CSMD1: variants seen among roughly 807,000 people sequenced by gnomAD.
The protein encoded by CSMD1 is CUB and Sushi multiple domains 1, also known as CUB and sushi domain-containing protein 1.
In CSMD1, 213 loss-of-function variants were observed where a neutral mutation model predicts 417.5. The observed-to-expected ratio is 0.51, with a 90% CI of 0.46 to 0.57. The LOEUF (loss-of-function observed/expected upper bound fraction) is 0.57, where lower values mean the gene tolerates loss of function less well. Among genes scored for constraint, CSMD1 ranks in the 20% least tolerant of loss-of-function variants. CSMD1 has a pLI of 0.00. For missense variants in CSMD1, 6,923 were observed against 4,529.7 expected, an observed-to-expected ratio of 1.53 and a Z score of -15.17; for synonymous variants, 2,862 against 1,736.8, an observed-to-expected ratio of 1.65 and a Z score of -16.11.
At chr8:3,155,385 T>TTTTTTTTTTTTTTTTTTTTTA (rs1491170504) in intron 39 of CSMD1, among the ~76,000 whole-genome samples, 2 of 108,916 alleles carry the variant, frequency 1.8e-5, no homozygotes, top group East Asian at 2.6e-4. Context: ...TTTTTTTTTT[T>TTTTTTTTTTTTTTTTTTTTTA]GAGACAGAAT....
intron 59 of CSMD1, 42 bp from the exon 60 acceptor site, chr8:2,963,437 C>A: frequency 3.8e-6 from 6 of 1,595,284 alleles, no homozygotes; most frequent in Non-Finnish European, 4.3e-6. Flanking sequence ...CCGGAGCTCC[C>A]GCTGCAGCGG....
In CSMD1 at chr8:3,157,907, G is replaced by C. The variant is rs375906443; in HGVS notation, c.5904C>G (p.Pro1968=). The stretch of plus-strand genomic sequence containing the variant: ...AAGGTGCATCCTTACCAATGCACAG[G>C]GGAGACGGATAGTTCCAACGGCGAA... ...GTVRRWNYPS[P]LCIATCGGTL... The change falls in exon 39 of 70, where the codon CCC becomes CCG. Residue 1968 remains proline (P), a synonymous_variant. Transcript: ENST00000635120. 1.3e-4 allele frequency: 196 copies of C among 1,553,910 alleles called. No individual in the cohort carries two copies. Among genetic ancestry groups the C allele is most frequent in the Non-Finnish European group, 1.6e-4 (187 of 1,148,216 alleles).
At chr8:4,279,054 C>T (rs1456234900) in intron 3 of CSMD1, among the ~76,000 whole-genome samples, 1 of 152,136 alleles carries the variant, frequency 6.6e-6, no homozygotes, top group African/African-American at 2.4e-5. Flanking sequence ...ATAAACATCA[C>T]TCTACTGTTT....
At chr8:3,712,828 G>A (rs989226544) in intron 6 of CSMD1, among the ~76,000 whole-genome samples, 17 of 152,152 alleles carry the variant, frequency 1.1e-4, no homozygotes, top group African/African-American at 2.4e-4. Flanking sequence ...CAAATACATT[G>A]TGGTCTACAG....
At chr8:4,313,909 G>T (rs1798771684) in intron 3 of CSMD1, among the ~76,000 whole-genome samples, 1 of 151,980 alleles carries the variant, frequency 6.6e-6, no homozygotes, top group African/African-American at 2.4e-5. Context: ...AGCTACTTGG[G>T]AGGCTGAGTC....
intron 1 of CSMD1, among the ~76,000 whole-genome samples, chr8:4,792,991 TATA>T (rs1271373752): frequency 6.6e-6 from 1 of 151,162 alleles, no homozygotes; most frequent in African/African-American, 2.4e-5. Flanking sequence ...GCAATATATA[TATA>T]TATATATATA....
At chr8:3,611,613 T>C (rs1269189715) in intron 8 of CSMD1, among the ~76,000 whole-genome samples, 2 of 152,210 alleles carry the variant, frequency 1.3e-5, no homozygotes, top group Non-Finnish European at 2.9e-5. Flanking sequence ...TGTAATTTTC[T>C]AACGAAAATT....
chr8:3,937,131 A>G (rs2129719320), intron 5 of CSMD1, among the ~76,000 whole-genome samples: 1 of 152,310 alleles, frequency 6.6e-6, no homozygotes. Context: ...GCTGCTTCTT[A>G]TGGATGAGCA....
chr8:4,546,897 G>C (rs1003687121), intron 2 of CSMD1, among the ~76,000 whole-genome samples: 5 of 151,916 alleles, frequency 3.3e-5, no homozygotes, highest in African/African-American at 1.2e-4. Flanking sequence ...TCTCTCTGGA[G>C]ATCCCTAACA....
At chr8:3,986,964 A>G (rs1747418661) in intron 5 of CSMD1, among the ~76,000 whole-genome samples, 1 of 152,126 alleles carries the variant, frequency 6.6e-6, no homozygotes, top group Non-Finnish European at 1.5e-5. Flanking sequence ...CATGCAGTTC[A>G]GGCTGTTCTT....
At chr8:3,174,256 G>A (rs923182804) in intron 37 of CSMD1, among the ~76,000 whole-genome samples, 2 of 152,240 alleles carry the variant, frequency 1.3e-5, no homozygotes, top group Non-Finnish European at 1.5e-5. Context: ...CACTTTGGGA[G>A]GCTGAGGTGC....
chr8:4,498,434 G>C (rs1197686439), intron 2 of CSMD1, among the ~76,000 whole-genome samples: 1 of 151,868 alleles, frequency 6.6e-6, no homozygotes, highest in African/African-American at 2.4e-5. Flanking sequence ...ATGCTTCAGA[G>C]GCATTTACTT....
chr8:4,826,910 G>C (rs1240592742), intron 1 of CSMD1, among the ~76,000 whole-genome samples: 1 of 152,216 alleles, frequency 6.6e-6, no homozygotes, highest in Non-Finnish European at 1.5e-5. Flanking sequence ...CAAAATCTGA[G>C]CACTTATCTA....
chr8:4,939,763 C>A (rs767505098), intron 1 of CSMD1, among the ~76,000 whole-genome samples: 1 of 152,110 alleles, frequency 6.6e-6, no homozygotes, highest in Non-Finnish European at 1.5e-5. Context: ...ATGCAGTGTA[C>A]TGCCTACTTG....
At chr8:4,993,166 G>A (rs561688477) in intron 1 of CSMD1, among the ~76,000 whole-genome samples, 4 of 152,286 alleles carry the variant, frequency 2.6e-5, no homozygotes, top group Non-Finnish European at 4.4e-5. Flanking sequence ...GAGAGGACGG[G>A]GAAATATTAT....
At chr8:3,538,880 C>A (rs544145690) in intron 10 of CSMD1, among the ~76,000 whole-genome samples, 1 of 152,322 alleles carries the variant, frequency 6.6e-6, no homozygotes, top group South Asian at 2.1e-4. Context: ...TTGTTCTCTG[C>A]TCCCACTCTT....
chr8:4,775,336 G>T (rs145173244), intron 1 of CSMD1, among the ~76,000 whole-genome samples: 1 of 152,112 alleles, frequency 6.6e-6, no homozygotes. Flanking sequence ...GTGAATAGAT[G>T]GAAGGAACAC....
intron 18 of CSMD1, among the ~76,000 whole-genome samples, chr8:3,374,545 A>T (rs1810188110): frequency 6.6e-6 from 1 of 152,236 alleles, no homozygotes; most frequent in African/African-American, 2.4e-5. Context: ...AAGGAGGTCT[A>T]GATGATTAGA....
intron 1 of CSMD1, among the ~76,000 whole-genome samples, chr8:4,823,543 G>C (rs555470421): frequency 1.3e-5 from 2 of 152,062 alleles, no homozygotes; most frequent in Non-Finnish European, 2.9e-5. Context: ...GGCTCACTTA[G>C]TCCAAGCCCT....
Sources: gnomAD v4.1 joint callset for allele counts (sites outside exome capture counted in the v4.1 genomes callset) on GRCh38, gnomAD v4.1.1 for gene constraint, MANE v1.5 for transcripts, NCBI Gene and HGNC (gene_info 2026-07-23, HGNC 2026-07-21) for gene names.